The following MMEL1 variants were observed in gnomAD, a reference collection of about 807,000 sequenced individuals.
MMEL1 encodes membrane metallo-endopeptidase-like 1.
Under a neutral mutation model 117.1 loss-of-function variants are expected in MMEL1, and 98 were observed. The ratio of observed to expected loss-of-function variants is 0.84; its 90% confidence interval spans 0.71 to 0.99. The LOEUF is 0.99. MMEL1 is among the 50% of genes least tolerant of loss of function. The pLI is 0.00. For missense variants in MMEL1, 1,014 were observed against 1,049.1 expected (o/e 0.97, Z 0.46); for synonymous variants, 390 against 415.1 (o/e 0.94, Z 0.74).
chr1:2,618,799 T>A (rs1002601524), intron 2 of MMEL1, among the ~76,000 whole-genome samples: 3 of 152,190 alleles, frequency 2.0e-5, no homozygotes, highest in Non-Finnish European at 2.9e-5. Flanking sequence ...TTTACATTTT[T>A]AAAAAAGAAA....
At chr1:2,620,446 C>G (rs1645272429) in intron 2 of MMEL1, among the ~76,000 whole-genome samples, 1 of 152,152 alleles carries the variant, frequency 6.6e-6, no homozygotes, top group African/African-American at 2.4e-5. Context: ...TGATCACAAG[C>G]AAGGTCTCAA....
chr1:2,596,842 C>A lies in MMEL1; in HGVS notation c.1273-153G>T, dbSNP rs577522408. 2.2e-4 allele frequency among the ~76,000 whole-genome samples: 34 copies of A among 152,192 alleles called. No homozygotes were observed. The South Asian group carries it at 6.4e-3, about 29-fold the overall frequency. ...GGGCACGGGATGATCTCAGCCTCAC[C>A]TCTGGGTGCTGCTGCGGCGGGGGGA... On this transcript the variant is annotated intron_variant, in intron 13 of 23. Transcript: ENST00000378412.
At position 2,627,084 on chromosome 1, in the gene MMEL1, G is replaced by A. The variant is rs189878438; in HGVS notation, c.154+2247C>T. ...CAAATGCTGAGTAGCTAGTACTCATGTCAGGCTCAACAGGATTTAAGGCAA... is the reference window on the plus strand; with the variant it reads ...CAAATGCTGAGTAGCTAGTACTCATATCAGGCTCAACAGGATTTAAGGCAA... On this transcript the variant is annotated intron_variant, in intron 2 of 23. Coordinates refer to ENST00000378412, the MANE Select transcript of MMEL1 (RefSeq NM_033467.4). Among the ~76,000 whole-genome samples, 6 of 152,376 alleles carry A rather than the reference G, an allele frequency of 3.9e-5. No homozygotes were observed. In the East Asian group the frequency reaches 9.6e-4, roughly 24 times the overall value.
At position 2,613,824 on chromosome 1, in the gene MMEL1, C is replaced by A. The variant is rs1165504718; in HGVS notation, c.155-1620G>T. On this transcript the variant is annotated intron_variant, in intron 2 of 23. Transcript: ENST00000378412. ...TGAGATTGCACCACTGCACTCCAGC[C>A]TGGGAGACAGAGTGAGACCCTGTCT... 2.0e-5 allele frequency among the ~76,000 whole-genome samples: 3 copies of A among 152,126 alleles called. No homozygotes were observed. In the East Asian group the frequency reaches 5.8e-4, roughly 29 times the overall value.
At chr1:2,624,288 C>T (rs1254186881) in intron 2 of MMEL1, among the ~76,000 whole-genome samples, 2 of 152,168 alleles carry the variant, frequency 1.3e-5, no homozygotes, top group Non-Finnish European at 2.9e-5. Context: ...GTCTGGTCCC[C>T]GGGCTGACTT....
chr1:2,611,743 G>A (rs1645132856), intron 3 of MMEL1, among the ~76,000 whole-genome samples: 1 of 152,190 alleles, frequency 6.6e-6, no homozygotes, highest in African/African-American at 2.4e-5. Flanking sequence ...GGCCCCAAGG[G>A]CTGAAGCCGG....
Position 2,598,094 on chromosome 1 carries a change from G to T in MMEL1, c.1272+113C>A. ...TGGGGTGGGCGCCTCGCCCTGCCTC[G>T]TCCATGGCTGTGACCCTGGTGTGGA... On this transcript the variant is annotated intron_variant, in intron 13 of 23. Coordinates refer to ENST00000378412, the MANE Select transcript of MMEL1 (RefSeq NM_033467.4). The T allele has an allele frequency of 3.9e-6, 4 of 1,025,844 alleles. No homozygotes were observed. The South Asian group carries it at 4.3e-5, about 11-fold the overall frequency. The allele number at this position is 1,025,844 out of a possible 1,614,324, so 63.5% of individuals were successfully genotyped here. A position where few individuals can be genotyped will look rare whatever the true frequency, so the allele number is the denominator to read the frequency against.
chr1:2,596,596 C>A lies in MMEL1; in HGVS notation c.1366G>T (p.Val456Phe). The A allele has an allele frequency of 6.2e-7, 1 of 1,612,670 alleles. No homozygotes were observed. The highest frequency in any genetic ancestry group is 1.1e-5 in the South Asian group (1 of 91,090). ...CTGTCTCCAGGGAACGCCTCCCTGA[C>A]GTAGAGGGAGCCCACGGCGTTCTCC... Reference protein sequence around the residue: ...NMENAVGSLYVREAFPGDSKS... With the variant: ...NMENAVGSLYFREAFPGDSKS... Residue 456 changes from valine (V) to phenylalanine (F), a missense_variant, in exon 14 of 24, where the codon GTC (valine) becomes TTC (phenylalanine). By Grantham distance (50) the Val-to-Phe change is conservative. Transcript: ENST00000378412.
chr1:2,623,326 T>C (rs963853930), intron 2 of MMEL1, among the ~76,000 whole-genome samples: 4 of 152,160 alleles, frequency 2.6e-5, no homozygotes, highest in African/African-American at 9.7e-5. Flanking sequence ...AAATTTAAGG[T>C]AGAGAAGTTC....
intron 11 of MMEL1, among the ~76,000 whole-genome samples, chr1:2,600,958 G>C (rs1644922160): frequency 6.6e-6 from 1 of 152,114 alleles, no homozygotes; most frequent in Non-Finnish European, 1.5e-5. Context: ...AAAAATTGAA[G>C]CATAAATGGA....
At chr1:2,607,147 T>C (rs928301511) in intron 6 of MMEL1, 78 bp from the exon 7 acceptor site, 8 of 1,316,438 alleles carry the variant, frequency 6.1e-6, no homozygotes, top group African/African-American at 1.4e-5. Context: ...GGGGGCGCCG[T>C]TGGCCGGCGT....
In MMEL1 at chr1:2,604,131, GC is replaced by G; in HGVS notation, c.951+15del. The G allele has an allele frequency of 9.6e-7, 1 of 1,044,548 alleles. No individual in the cohort carries two copies. Among genetic ancestry groups the G allele is most frequent in the Admixed American group, 2.3e-5 (1 of 43,152 alleles). 64.7% of individuals were successfully genotyped at this position (1,044,548 alleles called of 1,614,324 possible). ...CCCACTCGCTGCCCGCTCCCCACCCGCCCCGGCCCCCTTACCTTGGCCAGCT... is the reference window on the plus strand; with the variant it reads ...CCCACTCGCTGCCCGCTCCCCACCCGCCCGGCCCCCTTACCTTGGCCAGCT... On this transcript the variant is annotated intron_variant, in intron 10 of 23. Coordinates refer to ENST00000378412, the MANE Select transcript of MMEL1 (RefSeq NM_033467.4).
intron 6 of MMEL1, 101 bp from the exon 7 acceptor site, chr1:2,607,170 C>T: frequency 1.1e-6 from 1 of 949,246 alleles, no homozygotes; most frequent in Non-Finnish European, 1.6e-6. Flanking sequence ...CAGGTCCCCA[C>T]AGCCCCTGCA....
intron 22 of MMEL1, 57 bp from the exon 23 acceptor site, chr1:2,591,690 T>TGGGGGTGCCCTGGGGGGGG: frequency 2.7e-6 from 1 of 376,512 alleles, no homozygotes; most frequent in Non-Finnish European, 5.2e-6. Flanking sequence ...CCAGGAGGGG[T>TGGGGGTGCCCTGGGGGGGG]GGGGGAGGGT....
chr1:2,611,752 G>A (rs1045601504), intron 3 of MMEL1, among the ~76,000 whole-genome samples: 3 of 152,188 alleles, frequency 2.0e-5, no homozygotes, highest in African/African-American at 4.8e-5. Context: ...GGCTGAAGCC[G>A]GCCATTCTGC....
chr1:2,600,220 G>A (rs891574348), intron 11 of MMEL1, among the ~76,000 whole-genome samples: 10 of 151,892 alleles, frequency 6.6e-5, no homozygotes, highest in East Asian at 2.0e-4. Context: ...CACCTGCCTC[G>A]GCCTCCCAAA....
chr1:2,604,222 T>G lies in MMEL1; in HGVS notation c.876A>C (p.Ala292=), dbSNP rs554156026. 333 of 1,612,862 alleles carry G rather than the reference T, an allele frequency of 2.1e-4. 3 individuals carry two copies. In the South Asian group the frequency reaches 3.5e-3, roughly 17 times the overall value. ...VSVATLLRED[A]NLPRDSCLVQ... ...CCAGGCAGCTGTCCCTGGGCAGGTT[T>G]GCATCCTCCCGCAGCAACGTGGCCA... The change falls in exon 10 of 24, where the codon GCA becomes GCC. Residue 292 remains alanine, a synonymous_variant. Transcript: ENST00000378412.
In MMEL1 at chr1:2,594,412, A is replaced by G; in HGVS notation, c.1720T>C (p.Phe574Leu). 6.4e-7 allele frequency: 1 copy of G among 1,551,692 alleles called. No homozygotes were observed. Among genetic ancestry groups the G allele is most frequent in the Non-Finnish European group, 8.7e-7 (1 of 1,146,984 alleles). ...ATCTGGTTTCGGTTTGGGGAGTAGA[A>G]CGCATTGACCACCGCCGCCCCGATG... ...WIIGAAVVNA[F>L]YSPNRNQIVF... Residue 574 changes from phenylalanine (F) to leucine (L), a missense_variant, in exon 18 of 24, where the codon TTC (phenylalanine) becomes CTC (leucine). By Grantham distance (22) the Phe-to-Leu change is conservative. Coordinates refer to ENST00000378412, the MANE Select transcript of MMEL1 (RefSeq NM_033467.4).
chr1:2,608,781 GT>G (rs1322592427), intron 6 of MMEL1, among the ~76,000 whole-genome samples: 4 of 151,852 alleles, frequency 2.6e-5, no homozygotes, highest in African/African-American at 9.7e-5. Flanking sequence ...ACACACATAT[GT>G]ACACACCGCA....
Sources: allele counts gnomAD v4.1 joint callset (sites outside exome capture counted in the v4.1 genomes callset), GRCh38; gene constraint gnomAD v4.1.1; transcripts MANE v1.5; gene names NCBI Gene and HGNC (gene_info 2026-07-23, HGNC 2026-07-21).